TAS2R1: variants seen among roughly 807,000 people sequenced by gnomAD.
TAS2R1 encodes the protein taste receptor type 2 member 1.
For synonymous variants in TAS2R1, 141 were observed against 134.2 expected (o/e 1.05, Z -0.35); for missense variants, 370 against 353.4 (o/e 1.05, Z -0.38).
chr5:9,755,004 A>G, the TAS2R1 span, among the ~76,000 whole-genome samples: 2 of 152,330 alleles, frequency 1.3e-5, no homozygotes, highest in South Asian at 2.1e-4. Context: ...TCTAACATAG[A>G]TAGTCTTCCT....
rs1741566852 is a variant in TAS2R1, at chr5:9,704,793, C to T, written c.-242+7379G>A. Among the ~76,000 whole-genome samples, 3 of 152,138 alleles carry T rather than the reference C, an allele frequency of 2.0e-5. No homozygotes were observed. The South Asian group carries it at 6.2e-4, about 32-fold the overall frequency. On this transcript the variant is annotated intron_variant, in intron 1 of 2. Transcript: ENST00000506620. ...CAAGGATGATAAGAGAGTTGGAAAA[C>T]AGACATTTTCATATATTCTTAATAG...
the TAS2R1 span, among the ~76,000 whole-genome samples, chr5:9,857,366 A>G: frequency 6.6e-6 from 1 of 152,236 alleles, no homozygotes; most frequent in African/African-American, 2.4e-5. Context: ...AATTACCCTG[A>G]TTTGATTATT....
At chr5:9,691,464 C>A (rs1355055673) in intron 1 of TAS2R1, among the ~76,000 whole-genome samples, 4 of 152,272 alleles carry the variant, frequency 2.6e-5, no homozygotes. Flanking sequence ...AGGACGCAGA[C>A]ACAGGCATTC....
chr5:9,699,618 T>G (rs116588919), intron 1 of TAS2R1, among the ~76,000 whole-genome samples: 1,916 of 152,254 alleles, frequency 0.013, 40 homozygotes, highest in African/African-American at 0.044. Context: ...GGACTGTAAT[T>G]ACTCATAGAA....
chr5:9,853,836 G>A, the TAS2R1 span, among the ~76,000 whole-genome samples: 557 of 152,268 alleles, frequency 3.7e-3, 1 homozygote, highest in Middle Eastern at 0.01. Context: ...AGGCACATTT[G>A]AGAGCAATTA....
chr5:9,720,017 T>C, the TAS2R1 span, among the ~76,000 whole-genome samples: 1 of 152,096 alleles, frequency 6.6e-6, no homozygotes, highest in Admixed American at 6.5e-5. Context: ...CTTTCCTTTC[T>C]TTCTTTTTCT....
intron 1 of TAS2R1, among the ~76,000 whole-genome samples, chr5:9,686,621 G>C (rs1294884444): frequency 6.6e-6 from 1 of 152,154 alleles, no homozygotes; most frequent in Admixed American, 6.6e-5. Flanking sequence ...AGGAGAGGAA[G>C]TGGGCAGAAA....
At chr5:9,795,434 A>G in the TAS2R1 span, among the ~76,000 whole-genome samples, 4 of 152,182 alleles carry the variant, frequency 2.6e-5, no homozygotes, top group Admixed American at 2.6e-4. Flanking sequence ...TGTGCAACAT[A>G]CCAGGGTTTC....
At chr5:9,702,778 A>T (rs947386922) in intron 1 of TAS2R1, among the ~76,000 whole-genome samples, 1 of 152,146 alleles carries the variant, frequency 6.6e-6, no homozygotes, top group Non-Finnish European at 1.5e-5. Flanking sequence ...GACGAGAGGC[A>T]GGTTTCAGAG....
chr5:9,632,273 T>C (rs929056325), upstream of TAS2R1, among the ~76,000 whole-genome samples: 4 of 152,248 alleles, frequency 2.6e-5, no homozygotes, highest in East Asian at 1.9e-4. Context: ...CATACTTTAA[T>C]TGAAAATACT....
chr5:9,851,302 A>G, the TAS2R1 span, among the ~76,000 whole-genome samples: 1 of 152,226 alleles, frequency 6.6e-6, no homozygotes, highest in African/African-American at 2.4e-5. Flanking sequence ...CTGAAGGCGC[A>G]TGTTGGCTAG....
rs2234230 is a variant in TAS2R1, at chr5:9,630,095, G to A, written c.-63C>T. 5.8e-6 allele frequency: 8 copies of A among 1,376,136 alleles called. No individual in the cohort carries two copies. The highest frequency in any genetic ancestry group is 2.5e-5 in the East Asian group (1 of 39,862). The allele number at this position is 1,376,136 out of a possible 1,614,324, so 85.2% of individuals were successfully genotyped here. ...AGTTATAAAGTTTTGGACAGGTTGG[G>A]TTGTTCACGCTCTTCAATTAGATCA... On this transcript the variant is annotated 5_prime_UTR_variant, in exon 1 of 1. Coordinates refer to ENST00000382492, the MANE Select transcript of TAS2R1 (RefSeq NM_019599.3).
the TAS2R1 span, among the ~76,000 whole-genome samples, chr5:9,734,127 T>C: frequency 6.6e-6 from 1 of 152,170 alleles, no homozygotes; most frequent in African/African-American, 2.4e-5. Context: ...GAGAGCCTGT[T>C]TGCCCCTTCT....
intron 2 of TAS2R1, among the ~76,000 whole-genome samples, chr5:9,637,287 G>C (rs1049335061): frequency 3.9e-5 from 6 of 152,154 alleles, no homozygotes; most frequent in African/African-American, 1.4e-4. Context: ...GGTTTTTGCT[G>C]AGAAGTCTGC....
Position 9,704,966 on chromosome 5 carries a change from T to C in TAS2R1, c.-242+7206A>G, listed in dbSNP as rs75360433. Reference sequence around the variant, plus strand: ...ACAAATGAGCTTACAAGTTTATTCATTGCAGGATTATTTGTAATAGCAGAA... The same window carrying C: ...ACAAATGAGCTTACAAGTTTATTCACTGCAGGATTATTTGTAATAGCAGAA... On this transcript the variant is annotated intron_variant, in intron 1 of 2. Coordinates refer to the TAS2R1 transcript ENST00000506620. 2.3e-3 allele frequency among the ~76,000 whole-genome samples: 343 copies of C among 152,346 alleles called. 2 individuals carry two copies. Among genetic ancestry groups the C allele is most frequent in the African/African-American group, 7.7e-3 (320 of 41,576 alleles).
At chr5:9,653,872 A>G (rs1740357194) in intron 2 of TAS2R1, among the ~76,000 whole-genome samples, 1 of 152,202 alleles carries the variant, frequency 6.6e-6, no homozygotes, top group African/African-American at 2.4e-5. Context: ...TCTCTCCTAA[A>G]ACCAAGCTTT....
At chr5:9,868,630 T>C in the TAS2R1 span, among the ~76,000 whole-genome samples, 1 of 152,206 alleles carries the variant, frequency 6.6e-6, no homozygotes. Context: ...ATTTTCCCCA[T>C]TTTCTTGGTG....
the TAS2R1 span, among the ~76,000 whole-genome samples, chr5:9,818,495 T>C: frequency 2.0e-5 from 3 of 152,148 alleles, no homozygotes; most frequent in Non-Finnish European, 4.4e-5. Context: ...TGTATACAGG[T>C]CAGCCATGTG....
the TAS2R1 span, among the ~76,000 whole-genome samples, chr5:9,896,629 G>A: frequency 2.0e-5 from 3 of 152,110 alleles, no homozygotes; most frequent in Non-Finnish European, 4.4e-5. Context: ...CTCACCTAAT[G>A]GCTTTACTTT....
Sources: gnomAD v4.1 joint callset for allele counts (sites outside exome capture counted in the v4.1 genomes callset) on GRCh38, gnomAD v4.1.1 for gene constraint, MANE v1.5 for transcripts, NCBI Gene and HGNC (gene_info 2026-07-23, HGNC 2026-07-21) for gene names.